ERI1: variants seen among roughly 807,000 people sequenced by gnomAD.
ERI1 encodes the protein 3'-5' exoribonuclease 1.
A neutral mutation model predicts 39.7 loss-of-function variants in ERI1; 39 were observed. The observed-to-expected ratio is 0.98, with a 90% CI of 0.76 to 1.28. The LOEUF (loss-of-function observed/expected upper bound fraction) is 1.28, where lower values mean the gene tolerates loss of function less well. Among genes scored for constraint, ERI1 ranks in the 50% most tolerant of loss-of-function variants. The pLI, the probability that ERI1 is intolerant of heterozygous loss-of-function variation, is 0.00. For synonymous variants in ERI1, 204 were observed against 149.6 expected, an observed-to-expected ratio of 1.36 and a Z score of -2.65; for missense variants, 581 against 416.9, an observed-to-expected ratio of 1.39 and a Z score of -3.43.
chr8:9,042,499 G>A (rs1798058453), intron 3 of ERI1, among the ~76,000 whole-genome samples: 1 of 152,158 alleles, frequency 6.6e-6, no homozygotes, highest in Non-Finnish European at 1.5e-5. Context: ...TGTCACTCAA[G>A]TCAGGGAACA....
intron 1 of ERI1, among the ~76,000 whole-genome samples, chr8:9,007,763 C>CTA (rs1208820342): frequency 1.3e-5 from 2 of 152,074 alleles, no homozygotes; most frequent in Non-Finnish European, 2.9e-5. Context: ...CCTCATGACT[C>CTA]ATAATAGAGT....
At chr8:9,073,300 T>G (rs1799112332) in intron 3 of ERI1, among the ~76,000 whole-genome samples, 1 of 152,226 alleles carries the variant, frequency 6.6e-6, no homozygotes. Flanking sequence ...AGACACTATT[T>G]GTTATTGAAG....
intron 3 of ERI1, chr8:9,091,516 A>AG (rs1028748544): frequency 1.3e-5 from 2 of 152,052 alleles, no homozygotes; most frequent in African/African-American, 4.8e-5. Flanking sequence ...TCAAAAAAAA[A>AG]AAAAGAGTTC....
intron 6 of ERI1, among the ~76,000 whole-genome samples, chr8:9,024,321 T>C (rs1818238983): frequency 1.3e-5 from 2 of 152,258 alleles, no homozygotes; most frequent in African/African-American, 4.8e-5. Context: ...CCAAACTTTC[T>C]TTGTGCGTGG....
intron 3 of ERI1, among the ~76,000 whole-genome samples, chr8:9,098,337 T>G (rs1799942370): frequency 6.6e-6 from 1 of 152,160 alleles, no homozygotes; most frequent in Non-Finnish European, 1.5e-5. Flanking sequence ...CTGGCCAACA[T>G]GGTGAAACCC....
At chr8:9,023,703 ACT>A (rs3083378) in intron 6 of ERI1, among the ~76,000 whole-genome samples, 58,627 of 150,096 alleles carry the variant, frequency 0.39, 13,404 homozygotes, top group East Asian at 0.69. Flanking sequence ...CCTAAATAAA[ACT>A]CTCTGTCACA....
intron 3 of ERI1, among the ~76,000 whole-genome samples, chr8:9,089,835 G>GCATTTCTTCATTTT: frequency 1.3e-5 from 2 of 152,184 alleles, no homozygotes; most frequent in Non-Finnish European, 2.9e-5. Flanking sequence ...GAAAGGTGTG[G>GCATTTCTTCATTTT]CAGGATGGGT....
chr8:9,093,591 G>A (rs551277991), intron 3 of ERI1, among the ~76,000 whole-genome samples: 5 of 152,008 alleles, frequency 3.3e-5, no homozygotes, highest in East Asian at 1.9e-4. Context: ...TTTTTGAGAC[G>A]GAATCTCACT....
intron 3 of ERI1, among the ~76,000 whole-genome samples, chr8:9,081,283 A>G (rs1202826636): frequency 6.6e-6 from 1 of 152,212 alleles, no homozygotes; most frequent in Non-Finnish European, 1.5e-5. Flanking sequence ...GAGCCAAACA[A>G]TATCACTGGA....
downstream of ERI1, among the ~76,000 whole-genome samples, chr8:9,038,247 A>G (rs1038548825): frequency 4.6e-5 from 7 of 152,174 alleles, no homozygotes; most frequent in Admixed American, 4.6e-4. Flanking sequence ...ACAAGGTTTT[A>G]TTCTAATGTA....
At chr8:9,033,418 C>T (rs998216310), downstream of ERI1, 1 of 113,740 alleles carries the variant, frequency 8.8e-6, no homozygotes, top group Non-Finnish European at 1.8e-5. Flanking sequence ...GCATCAGTGG[C>T]ACCATCTGGC....
intron 3 of ERI1, among the ~76,000 whole-genome samples, chr8:9,042,674 T>A (rs970413684): frequency 7.2e-5 from 11 of 152,148 alleles, no homozygotes; most frequent in Admixed American, 6.6e-5. Flanking sequence ...AGGGAAGTGT[T>A]ATGCTTTGAG....
At chr8:9,095,294 C>G (rs1308607323) in intron 3 of ERI1, among the ~76,000 whole-genome samples, 1 of 152,082 alleles carries the variant, frequency 6.6e-6, no homozygotes, top group Non-Finnish European at 1.5e-5. Flanking sequence ...TTGTATTAAA[C>G]CCATCACCCA....
chr8:9,002,932 TTGTG>T lies in ERI1; in HGVS notation c.-129_-126del. The T allele has an allele frequency of 1.7e-6, 1 of 602,096 alleles. No individual in the cohort carries two copies. Among genetic ancestry groups the T allele is most frequent in the Non-Finnish European group, 2.4e-6 (1 of 413,096 alleles). 37.3% of individuals were successfully genotyped at this position (602,096 alleles called of 1,614,324 possible). A position where few individuals can be genotyped will look rare whatever the true frequency, so the allele number is the denominator to read the frequency against. On this transcript the variant is annotated 5_prime_UTR_variant, in exon 1 of 7. Transcript: ENST00000250263. ...GGAAGTGGGAGGTGGCCGCTGGAGT[TTGTG>T]TGGCCGCCGCCGCGGGAACGCGAGC...
intron 3 of ERI1, among the ~76,000 whole-genome samples, chr8:9,079,411 C>G (rs1799305942): frequency 6.6e-6 from 1 of 152,110 alleles, no homozygotes; most frequent in Non-Finnish European, 1.5e-5. Context: ...AAGAAGAAAA[C>G]AAATACATGT....
chr8:9,082,251 C>G (rs1799393973), intron 3 of ERI1, among the ~76,000 whole-genome samples: 1 of 152,132 alleles, frequency 6.6e-6, no homozygotes, highest in African/African-American at 2.4e-5. Flanking sequence ...TCTTGTTTTC[C>G]TCTTACTCCT....
intron 3 of ERI1, among the ~76,000 whole-genome samples, chr8:9,065,883 T>G (rs1798858523): frequency 6.6e-6 from 1 of 152,138 alleles, no homozygotes; most frequent in Non-Finnish European, 1.5e-5. Context: ...GGGTGGGTGG[T>G]GGAGAGTGTG....
Position 9,016,362 on chromosome 8 carries a change from C to A in ERI1, c.539C>A (p.Thr180Lys). 1 of 1,607,416 alleles carries A rather than the reference C, an allele frequency of 6.2e-7. No individual in the cohort carries two copies. Among genetic ancestry groups the A allele is most frequent in the Non-Finnish European group, 8.5e-7 (1 of 1,176,566 alleles). ...FQQYVRPEIN[T>K]QLSDFCISLT... Reference sequence around the variant, plus strand: ...CAGTATGTAAGACCAGAGATTAACACACAGCTGTCTGATTTCTGCATCAGT... The same window carrying A: ...CAGTATGTAAGACCAGAGATTAACAAACAGCTGTCTGATTTCTGCATCAGT... Residue 180 changes from threonine to lysine, a missense_variant, in exon 4 of 7, where the codon ACA becomes AAA. Coordinates refer to ENST00000250263, the MANE Select transcript of ERI1 (RefSeq NM_153332.4).
At position 9,032,472 on chromosome 8, in the gene ERI1, A is replaced by T. The variant is rs774063688; in HGVS notation, c.*2438A>T. ...TTGTGTTCTGTTGGATCAAGTATTT[A>T]ACATTTGCTCTGAAAAAAATGTTTT... On this transcript the variant is annotated 3_prime_UTR_variant, in exon 7 of 7. Transcript: ENST00000250263. 1 of 152,130 alleles carries T rather than the reference A, an allele frequency of 6.6e-6. No homozygotes were observed. Among genetic ancestry groups the T allele is most frequent in the Admixed American group, 6.5e-5 (1 of 15,270 alleles). The allele number at this position is 152,130 out of a possible 1,614,324, so 9.4% of individuals were successfully genotyped here.
Sources: allele counts gnomAD v4.1 joint callset (sites outside exome capture counted in the v4.1 genomes callset), GRCh38; gene constraint gnomAD v4.1.1; transcripts MANE v1.5; gene names NCBI Gene and HGNC (gene_info 2026-07-23, HGNC 2026-07-21).